ANKRD26: variants seen among roughly 807,000 people sequenced by gnomAD.
The protein encoded by ANKRD26 is ankyrin repeat domain 26.
Under a neutral mutation model 208.7 loss-of-function variants are expected in ANKRD26, and 141 were observed. The ratio of observed to expected loss-of-function variants is 0.68; its 90% confidence interval spans 0.59 to 0.78. ANKRD26 has a LOEUF of 0.78. Ranked by LOEUF, ANKRD26 falls within the 30% of genes least tolerant of loss-of-function variation. The pLI, the probability that ANKRD26 is intolerant of heterozygous loss-of-function variation, is 0.00. For missense variants in ANKRD26, 1,889 were observed against 1,938.7 expected (o/e 0.97, Z 0.48); for synonymous variants, 636 against 660.4 (o/e 0.96, Z 0.57).
At chr10:26,991,362 G>T (rs542963168), downstream of ANKRD26, among the ~76,000 whole-genome samples, 33 of 152,114 alleles carry the variant, frequency 2.2e-4, no homozygotes, top group Non-Finnish European at 3.2e-4. Flanking sequence ...CCAGGAGACA[G>T]GTCTATGCTT....
intron 15 of ANKRD26, among the ~76,000 whole-genome samples, chr10:27,058,321 A>G (rs1376746550): frequency 1.3e-5 from 2 of 152,202 alleles, no homozygotes; most frequent in African/African-American, 4.8e-5. Flanking sequence ...TGCATAATAT[A>G]TTTGACATTT....
chr10:27,058,932 T>C (rs983610439), intron 15 of ANKRD26, among the ~76,000 whole-genome samples: 6 of 143,422 alleles, frequency 4.2e-5, no homozygotes, highest in Admixed American at 2.8e-4. Context: ...GTTTTTTTTT[T>C]CAGACGTTGT....
intron 6 of ANKRD26, among the ~76,000 whole-genome samples, chr10:27,082,295 T>C (rs552263143): frequency 1.3e-5 from 2 of 152,346 alleles, no homozygotes; most frequent in African/African-American, 2.4e-5. Flanking sequence ...GGTCTGCTTA[T>C]GTAAAATGTA....
At position 27,066,532 on chromosome 10, in the gene ANKRD26, T is replaced by C; in HGVS notation, c.1224A>G (p.Leu408=). ...CTATATCTTCCTCTTGTCCTAATCC[T>C]AATGCGGACATCATATCTATCAAAT... ...KNNRSDMMSA[L]GLGQEEDIES... The change falls in exon 11 of 34, where the codon TTA becomes TTG. Residue 408 remains leucine (L), a synonymous_variant. Transcript: ENST00000376087. 6.2e-7 allele frequency: 1 copy of C among 1,600,120 alleles called. No homozygotes were observed. The highest frequency in any genetic ancestry group is 8.5e-7 in the Non-Finnish European group (1 of 1,171,350).
intron 30 of ANKRD26, among the ~76,000 whole-genome samples, chr10:27,015,244 C>T (rs1428976955): frequency 6.6e-6 from 1 of 152,130 alleles, no homozygotes; most frequent in African/African-American, 2.4e-5. Flanking sequence ...ATGTAAGATA[C>T]AGGAACTTAG....
rs375890403 is a variant in ANKRD26 at position 27,066,725 on chromosome 10, A to G, written c.1208-177T>C. Among the ~76,000 whole-genome samples, 6 of 152,318 alleles carry G rather than the reference A, an allele frequency of 3.9e-5. No individual in the cohort carries two copies. In the South Asian group the frequency reaches 8.3e-4, roughly 21 times the overall value. Reference sequence around the variant, plus strand: ...GCAGTCTCAGGAAAAAATTGGTAATATGAAGAAAGACAGCAAAAGAAAAAT... The same window carrying G: ...GCAGTCTCAGGAAAAAATTGGTAATGTGAAGAAAGACAGCAAAAGAAAAAT... On this transcript the variant is annotated intron_variant, in intron 10 of 33. Coordinates refer to ENST00000376087, the MANE Select transcript of ANKRD26 (RefSeq NM_014915.3).
At chr10:26,952,851 T>A in the ANKRD26 span, among the ~76,000 whole-genome samples, 1 of 152,046 alleles carries the variant, frequency 6.6e-6, no homozygotes, top group East Asian at 1.9e-4. Context: ...TGAGTTATGC[T>A]GGTAACTGCT....
intron 24 of ANKRD26, among the ~76,000 whole-genome samples, chr10:27,033,910 T>C (rs1043855643): frequency 6.6e-6 from 1 of 152,182 alleles, no homozygotes; most frequent in Non-Finnish European, 1.5e-5. Flanking sequence ...GACTCTCCCC[T>C]ACTCACTCCA....
intron 11 of ANKRD26, among the ~76,000 whole-genome samples, chr10:27,065,475 C>T (rs1399992683): frequency 6.6e-6 from 1 of 152,112 alleles, no homozygotes; most frequent in Non-Finnish European, 1.5e-5. Context: ...AATTAGAAAT[C>T]CACATTCCTG....
chr10:27,028,963 A>C lies in ANKRD26; in HGVS notation c.3879-18T>G, dbSNP rs749783019. ...TTTCAAGCCTGAAATGTATATTTTA[A>C]AATAATTATTCTCACAGATAAATTT... On this transcript the variant is annotated intron_variant, in intron 26 of 33. Coordinates refer to ENST00000376087, the MANE Select transcript of ANKRD26 (RefSeq NM_014915.3). 7.0e-6 allele frequency: 11 copies of C among 1,566,650 alleles called. No homozygotes were observed. The highest frequency in any genetic ancestry group is 1.4e-5 in the African/African-American group (1 of 73,406).
Position 27,079,083 on chromosome 10 carries a change from C to T in ANKRD26, c.813+6G>A. On this transcript the variant is annotated splice_donor_region_variant and intron_variant, in intron 7 of 33. Coordinates refer to ENST00000376087, the MANE Select transcript of ANKRD26 (RefSeq NM_014915.3). Reference sequence around the variant, plus strand: ...AGAAAATTAAGTTCATGAGAGAGCACTTTACCTTAGTATCAAAATTGAGGT... The same window carrying T: ...AGAAAATTAAGTTCATGAGAGAGCATTTTACCTTAGTATCAAAATTGAGGT... The T allele has an allele frequency of 6.2e-7, 1 of 1,609,188 alleles. No homozygotes were observed. Among genetic ancestry groups the T allele is most frequent in the Non-Finnish European group, 8.5e-7 (1 of 1,175,724 alleles).
At chr10:26,956,649 G>A in the ANKRD26 span, among the ~76,000 whole-genome samples, 16 of 151,826 alleles carry the variant, frequency 1.1e-4, no homozygotes, top group South Asian at 3.3e-3. Flanking sequence ...AAAAAGTACT[G>A]AAAGAAGACT....
intron 7 of ANKRD26, among the ~76,000 whole-genome samples, chr10:27,078,081 G>A (rs2055764487): frequency 6.6e-6 from 1 of 152,096 alleles, no homozygotes. Context: ...GTGTATGCAT[G>A]ATTTATATTT....
chr10:27,058,836 A>G (rs1009836522), intron 15 of ANKRD26, among the ~76,000 whole-genome samples: 2 of 151,964 alleles, frequency 1.3e-5, no homozygotes, highest in African/African-American at 4.8e-5. Context: ...TCAGCCTCCC[A>G]AAGTGCAAGG....
the ANKRD26 span, among the ~76,000 whole-genome samples, chr10:26,955,532 T>C: frequency 6.6e-6 from 1 of 152,200 alleles, no homozygotes; most frequent in African/African-American, 2.4e-5. Flanking sequence ...CCAATCCAAT[T>C]TGCCTTCCAT....
chr10:27,023,339 A>G (rs566071950), intron 28 of ANKRD26, among the ~76,000 whole-genome samples: 93 of 139,326 alleles, frequency 6.7e-4, no homozygotes, highest in African/African-American at 2.1e-3. Context: ...GATTCCAGGG[A>G]AAAAAAAAAA....
At chr10:26,958,833 G>T in the ANKRD26 span, among the ~76,000 whole-genome samples, 4 of 152,106 alleles carry the variant, frequency 2.6e-5, no homozygotes, top group Non-Finnish European at 4.4e-5. Context: ...CCCAGTAATG[G>T]GATTGCTGGA....
At chr10:26,979,090 A>AG (rs1305617137) in intron 5 of ANKRD26, among the ~76,000 whole-genome samples, 1 of 152,116 alleles carries the variant, frequency 6.6e-6, no homozygotes, top group Non-Finnish European at 1.5e-5. Context: ...GCATGGTGGC[A>AG]GCCCCTGTAG....
chr10:26,957,235 A>C, the ANKRD26 span, among the ~76,000 whole-genome samples: 1 of 152,124 alleles, frequency 6.6e-6, no homozygotes, highest in South Asian at 2.1e-4. Flanking sequence ...TGGCTGTACA[A>C]AAATTAGCCA....
Sources: allele counts gnomAD v4.1 joint callset (sites outside exome capture counted in the v4.1 genomes callset), GRCh38; gene constraint gnomAD v4.1.1; transcripts MANE v1.5; gene names NCBI Gene and HGNC (gene_info 2026-07-23, HGNC 2026-07-21).